Variants in RIF1 observed in about 807,000 individuals in gnomAD.
The protein encoded by RIF1 is replication timing regulatory factor 1.
RIF1 carries 45 observed loss-of-function variants against 247.1 expected under a neutral mutation model. That is an observed-to-expected ratio of 0.18 (90% CI 0.14 to 0.23). RIF1 has a LOEUF of 0.23. Among genes scored for constraint, RIF1 ranks in the 10% least tolerant of loss-of-function variants. The probability of loss-of-function intolerance (pLI) is 1.00; values close to 1 mark genes in which losing one functional copy is unlikely to be tolerated. For missense variants in RIF1, 2,967 were observed against 2,862.5 expected, an observed-to-expected ratio of 1.04 and a Z score of -0.83; for synonymous variants, 1,087 against 978.8, an observed-to-expected ratio of 1.11 and a Z score of -2.06.
At chr2:151,419,399 C>T (rs887909610) in intron 6 of RIF1, among the ~76,000 whole-genome samples, 2 of 151,940 alleles carry the variant, frequency 1.3e-5, no homozygotes, top group African/African-American at 4.8e-5. Flanking sequence ...GGTCTTGGCT[C>T]ACTGCAACCT....
In RIF1 at chr2:151,411,981, C is replaced by G. The variant is rs144013166; in HGVS notation, c.183+643C>G. 1.6e-3 allele frequency among the ~76,000 whole-genome samples: 244 copies of G among 152,310 alleles called. 2 individuals are homozygous for G. The South Asian group carries it at 0.029, about 18-fold the overall frequency. ...TTGAAAGCAGAGATCAGAGATTAAT[C>G]TGTTTTCTTTCCTTTTGGGAATCTA... On this transcript the variant is annotated intron_variant, in intron 3 of 35. Transcript: ENST00000444746.
rs1388783262 is a variant in RIF1, at chr2:151,498,094, A to C, written c.*514-1251A>C. 2.0e-6 allele frequency: 3 copies of C among 1,472,520 alleles called. No individual in the cohort carries two copies. In the African/African-American group the frequency reaches 4.3e-5, roughly 21 times the overall value. 91.2% of individuals were successfully genotyped at this position (1,472,520 alleles called of 1,614,324 possible). ...TTTGTAAATATCAGATGAAGTAAAA[A>C]ATTGACATTAACTGTATTATAGAAA... On this transcript the variant is annotated intron_variant and NMD_transcript_variant, in intron 10 of 13. Coordinates refer to the RIF1 transcript ENST00000454583.
downstream of RIF1, among the ~76,000 whole-genome samples, chr2:151,482,930 A>G (rs547825916): frequency 5.9e-4 from 89 of 151,992 alleles, no homozygotes; most frequent in African/African-American, 2.1e-3. Context: ...TATTTCCCCA[A>G]TCTCCCATCT....
At chr2:151,508,871 A>G (rs184426637), downstream of RIF1, among the ~76,000 whole-genome samples, 291 of 152,378 alleles carry the variant, frequency 1.9e-3, 1 homozygote, top group Non-Finnish European at 3.1e-3. Context: ...TGGGCAGTCA[A>G]TCTCACCACC....
chr2:151,422,807 G>C (rs1464117547), intron 7 of RIF1, 143 bp from the exon 8 acceptor site: 2 of 481,942 alleles, frequency 4.1e-6, no homozygotes, highest in East Asian at 4.2e-5. Context: ...TTGACCCACC[G>C]CACCTGGCCT....
At chr2:151,500,403 A>C (rs542338580) in intron 11 of RIF1, among the ~76,000 whole-genome samples, 1 of 143,378 alleles carries the variant, frequency 7.0e-6, no homozygotes, top group East Asian at 2.0e-4. Flanking sequence ...TTGATATAGA[A>C]GCTTCAGAGT....
intron 11 of RIF1, among the ~76,000 whole-genome samples, chr2:151,502,521 T>C (rs76498020): frequency 0.016 from 2,444 of 152,250 alleles, 41 homozygotes; most frequent in Non-Finnish European, 0.024. Context: ...TTACACCAGT[T>C]AGAAACACCT....
downstream of RIF1, chr2:151,483,404 T>C (rs1265269230): frequency 1.3e-5 from 2 of 152,138 alleles, no homozygotes. Flanking sequence ...AGGTGACTAA[T>C]CTATAATGAG....
intron 11 of RIF1, among the ~76,000 whole-genome samples, chr2:151,500,513 A>T (rs1462749887): frequency 2.0e-5 from 3 of 151,434 alleles, no homozygotes; most frequent in East Asian, 1.9e-4. Context: ...TTTGTATATT[A>T]AAAAAAAATC....
In RIF1 at chr2:151,465,304, T is replaced by A. The variant is rs748892966; in HGVS notation, c.5784T>A (p.His1928Gln). 1.2e-6 allele frequency: 2 copies of A among 1,612,542 alleles called. No individual in the cohort carries two copies. The change falls in exon 30 of 36, where the codon CAT (histidine) becomes CAA (glutamine). Residue 1928 changes from histidine to glutamine, a missense_variant. Coordinates refer to ENST00000444746, the MANE Select transcript of RIF1 (RefSeq NM_018151.5). Reference sequence around the variant, plus strand: ...ATGTAGGAAATGAAGCTAGCTTTCATGGACAAGAGAGAACCAAAACTGGTA... The same window carrying A: ...ATGTAGGAAATGAAGCTAGCTTTCAAGGACAAGAGAGAACCAAAACTGGTA... ...ELNVGNEASF[H>Q]GQERTKTGIS...
In RIF1 at chr2:151,464,510, T is replaced by C; in HGVS notation, c.4990T>C (p.Phe1664Leu). 6.2e-7 allele frequency: 1 copy of C among 1,612,232 alleles called. No individual in the cohort carries two copies. The highest frequency in any genetic ancestry group is 8.5e-7 in the Non-Finnish European group (1 of 1,179,462). Residue 1664 changes from phenylalanine (F) to leucine (L), a missense_variant, in exon 30 of 36, where the codon TTT becomes CTT. Phe to Leu is a conservative substitution (Grantham distance 22). Coordinates refer to ENST00000444746, the MANE Select transcript of RIF1 (RefSeq NM_018151.5). ...AACTAGCAAATATGCAGAATATTCC[T>C]TTACAAGTCTACCTGTGCCAGAATC... ...NETSKYAEYS[F>L]TSLPVPESNL...
the RIF1 span, among the ~76,000 whole-genome samples, chr2:151,530,369 T>G: frequency 6.6e-6 from 1 of 152,174 alleles, no homozygotes; most frequent in Admixed American, 6.5e-5. Context: ...TTTGCTCTTC[T>G]TAAATTTCAG....
chr2:151,462,351 ATCTGTTTTATT>A, intron 28 of RIF1, 29 bp downstream of exon 28: 3 of 1,490,166 alleles, frequency 2.0e-6, no homozygotes, highest in Non-Finnish European at 2.7e-6. Flanking sequence ...AAACTTTTAT[ATCTGTTTTATT>A]CATTTTCAAA....
At chr2:151,472,495 T>G (rs1253013451) in intron 34 of RIF1, among the ~76,000 whole-genome samples, 1 of 152,208 alleles carries the variant, frequency 6.6e-6, no homozygotes, top group Non-Finnish European at 1.5e-5. Context: ...CAGTATGATA[T>G]TGGCTGTGGG....
rs1181127650 is a variant in RIF1, at chr2:151,454,933, G to A, written c.2383G>A (p.Glu795Lys). 1 of 1,611,384 alleles carries A rather than the reference G, an allele frequency of 6.2e-7. No individual in the cohort carries two copies. The highest frequency in any genetic ancestry group is 8.5e-7 in the Non-Finnish European group (1 of 1,178,442). The change falls in exon 22 of 36, where the codon GAG becomes AAG. Residue 795 changes from glutamate (E) to lysine (K), a missense_variant. Glu to Lys is a moderately conservative substitution (Grantham distance 56). Coordinates refer to ENST00000444746, the MANE Select transcript of RIF1 (RefSeq NM_018151.5). The stretch of plus-strand genomic sequence containing the variant: ...TTCAGATTGGTCCAAAAAGAAGAAT[G>A]AGCCCCTAGGGAAATTGACTTCTTT... ...RPSDWSKKKNEPLGKLTSLFK... is the reference protein window; with the variant it reads ...RPSDWSKKKNKPLGKLTSLFK...
intron 8 of RIF1, 104 bp downstream of exon 8, chr2:151,423,146 C>T (rs1688453663): frequency 1.5e-6 from 1 of 660,836 alleles, no homozygotes; most frequent in African/African-American, 1.9e-5. Flanking sequence ...CTTTGTACAG[C>T]TGATGCTCAT....
At chr2:151,531,062 C>T in the RIF1 span, 3 of 1,613,440 alleles carry the variant, frequency 1.9e-6, no homozygotes, top group Non-Finnish European at 2.5e-6. Context: ...GTGGTGTAGC[C>T]TCTGGGTTTG....
rs1693579554 is a variant in RIF1, at chr2:151,447,776, C to G, written c.2244+1201C>G. Among the ~76,000 whole-genome samples the G allele has an allele frequency of 2.0e-5, 3 of 152,098 alleles. No individual in the cohort carries two copies. In the East Asian group the frequency reaches 5.8e-4, roughly 29 times the overall value. ...GCCAGGCTGGTCTCGAATTCTTGACCTGAGGTGATCCACCTTGGCCTCCCA... is the reference window on the plus strand; with the variant it reads ...GCCAGGCTGGTCTCGAATTCTTGACGTGAGGTGATCCACCTTGGCCTCCCA... On this transcript the variant is annotated intron_variant, in intron 20 of 35. Coordinates refer to ENST00000444746, the MANE Select transcript of RIF1 (RefSeq NM_018151.5).
At chr2:151,506,080 C>G in intron 12 of RIF1, 3 of 1,162,884 alleles carry the variant, frequency 2.6e-6, no homozygotes, top group Non-Finnish European at 3.9e-6. Flanking sequence ...TTTCTGGTGA[C>G]AGAGGCTTTG....
Sources: gnomAD v4.1 joint callset for allele counts (sites outside exome capture counted in the v4.1 genomes callset) on GRCh38, gnomAD v4.1.1 for gene constraint, MANE v1.5 for transcripts, NCBI Gene and HGNC (gene_info 2026-07-23, HGNC 2026-07-21) for gene names.